The following KDM4B variants were observed in gnomAD, a reference collection of about 807,000 sequenced individuals.
KDM4B encodes the protein lysine demethylase 4B, also known as lysine-specific demethylase 4B.
KDM4B carries 32 observed loss-of-function variants against 125.2 expected under a neutral mutation model. That is an observed-to-expected ratio of 0.26 (90% CI 0.19 to 0.34). The LOEUF is 0.34. Among genes scored for constraint, KDM4B ranks in the 10% least tolerant of loss-of-function variants. KDM4B has a pLI of 1.00. For synonymous variants in KDM4B, 721 were observed against 677.9 expected, an observed-to-expected ratio of 1.06 and a Z score of -0.99; for missense variants, 1,190 against 1,577.7, an observed-to-expected ratio of 0.75 and a Z score of 4.16.
intron 1 of KDM4B, among the ~76,000 whole-genome samples, chr19:4,988,328 T>G (rs1186306029): frequency 6.6e-6 from 1 of 152,078 alleles, no homozygotes; most frequent in Non-Finnish European, 1.5e-5. Context: ...CAGGCTGGAG[T>G]GCAGTGGTGC....
At chr19:5,058,906 C>T (rs546696635) in intron 6 of KDM4B, among the ~76,000 whole-genome samples, 5 of 152,208 alleles carry the variant, frequency 3.3e-5, no homozygotes, top group Admixed American at 2.0e-4. Flanking sequence ...CCCTGCCCAC[C>T]GCTTTAAGAA....
intron 6 of KDM4B, among the ~76,000 whole-genome samples, chr19:5,066,551 C>A (rs1180828610): frequency 6.6e-6 from 1 of 152,240 alleles, no homozygotes; most frequent in Non-Finnish European, 1.5e-5. Context: ...CACGTCCTAG[C>A]ATTTGTCTCT....
chr19:4,997,313 G>A lies in KDM4B; in HGVS notation c.-108-18944G>A, dbSNP rs972660888. 1.3e-5 allele frequency among the ~76,000 whole-genome samples: 2 copies of A among 152,070 alleles called. No individual in the cohort carries two copies. The highest frequency in any genetic ancestry group is 1.3e-4 in the Admixed American group (2 of 15,268). On this transcript the variant is annotated intron_variant, in intron 1 of 22. Coordinates refer to ENST00000159111, the MANE Select transcript of KDM4B (RefSeq NM_015015.3). The surrounding 1 kb of genome is among the most constrained non-coding windows in gnomAD (Gnocchi z 4.2). ...TGCCTGATGTGTCCTTCCCTTTAGG[G>A]CTTCCGAGTTTGTGTCCCACTTAGA... is the stretch of plus-strand genomic sequence containing the variant.
chr19:5,089,864 G>C (rs2038632165), intron 9 of KDM4B, among the ~76,000 whole-genome samples: 1 of 152,102 alleles, frequency 6.6e-6, no homozygotes, highest in Non-Finnish European at 1.5e-5. Flanking sequence ...TTTGTTTTCA[G>C]AATGGGAGTT....
chr19:5,040,103 C>T, intron 4 of KDM4B, 92 bp downstream of exon 4: 1 of 1,318,120 alleles, frequency 7.6e-7, no homozygotes, highest in Non-Finnish European at 1.0e-6. Flanking sequence ...GCGGTACACG[C>T]AGCCCCCACA....
chr19:4,981,559 G>A (rs186658621), intron 1 of KDM4B, among the ~76,000 whole-genome samples: 1 of 152,290 alleles, frequency 6.6e-6, no homozygotes, highest in African/African-American at 2.4e-5. Context: ...GGGCCCAGCA[G>A]CCTCCACCTG....
intron 1 of KDM4B, among the ~76,000 whole-genome samples, chr19:5,010,685 T>TTGCCCAGGCTGGAA (rs1201801936): frequency 6.6e-6 from 1 of 151,510 alleles, no homozygotes; most frequent in Non-Finnish European, 1.5e-5. Context: ...TCTCACTCTT[T>TTGCCCAGGCTGGAA]TGCCCAGGCT....
intron 10 of KDM4B, among the ~76,000 whole-genome samples, chr19:5,117,408 C>T (rs142948265): frequency 2.6e-4 from 39 of 152,142 alleles, no homozygotes; most frequent in Non-Finnish European, 5.0e-4. Context: ...CATGGGAGGG[C>T]GCCCTTCTGC....
Position 5,114,441 on chromosome 19 carries a change from G to T in KDM4B, c.1115+3623G>T, listed in dbSNP as rs1342582356. On this transcript the variant is annotated intron_variant, in intron 10 of 22. Transcript: ENST00000159111. The surrounding 1 kb of genome is among the most constrained non-coding windows in gnomAD (Gnocchi z 5.8). ...GACTCCTGCCAGGGCTGCCACGGCT[G>T]CCACACCCCAGCTGCATTCCTGAGC... 3 of 405,730 alleles carry T rather than the reference G, an allele frequency of 7.4e-6. No individual in the cohort carries two copies. The highest frequency in any genetic ancestry group is 2.0e-5 in the African/African-American group (1 of 49,132). The allele number at this position is 405,730 out of a possible 1,614,324, so 25.1% of individuals were successfully genotyped here. A position where few individuals can be genotyped will look rare whatever the true frequency, so the allele number is the denominator to read the frequency against.
At position 5,126,738 on chromosome 19, in the gene KDM4B, C is replaced by A. The variant is rs188525986; in HGVS notation, c.1316-4338C>A. Among the ~76,000 whole-genome samples, 3 of 152,342 alleles carry A rather than the reference C, an allele frequency of 2.0e-5. No individual in the cohort carries two copies. In the East Asian group the frequency reaches 5.8e-4, roughly 29 times the overall value. On this transcript the variant is annotated intron_variant, in intron 11 of 22. Transcript: ENST00000159111. The stretch of plus-strand genomic sequence containing the variant: ...CACATCCCAGCTGGGCCTCTGGGAC[C>A]GTCAGGCGCACCCGGCTGCGGGTTC...
chr19:5,107,117 G>A (rs960977441), intron 9 of KDM4B, among the ~76,000 whole-genome samples: 17 of 152,202 alleles, frequency 1.1e-4, no homozygotes, highest in Admixed American at 1.0e-3. Flanking sequence ...AGGGGGCACC[G>A]CCACCCTGCG....
intron 10 of KDM4B, among the ~76,000 whole-genome samples, chr19:5,116,235 T>TGA (rs1375772161): frequency 5.0e-5 from 2 of 40,382 alleles, no homozygotes; most frequent in Admixed American, 7.4e-4. Context: ...ACCACATCTC[T>TGA]AAAAAAAAAA....
chr19:4,979,787 C>T (rs527397028), intron 1 of KDM4B, among the ~76,000 whole-genome samples: 70 of 152,312 alleles, frequency 4.6e-4, no homozygotes, highest in South Asian at 1.4e-3. Flanking sequence ...CATTCACATA[C>T]TATGAAATTC....
chr19:5,100,788 T>C (rs1209116443), intron 9 of KDM4B, among the ~76,000 whole-genome samples: 1 of 152,220 alleles, frequency 6.6e-6, no homozygotes, highest in Non-Finnish European at 1.5e-5. Flanking sequence ...TATTGATGTG[T>C]TTTTATTGGT....
chr19:4,973,866 A>G (rs1005098076), intron 1 of KDM4B, among the ~76,000 whole-genome samples: 1 of 151,112 alleles, frequency 6.6e-6, no homozygotes, highest in Admixed American at 6.6e-5. Context: ...GCGGTGGCTC[A>G]TGCCTGTAAT....
At chr19:5,111,718 C>G (rs2039150133) in intron 10 of KDM4B, 1 of 760,050 alleles carries the variant, frequency 1.3e-6, no homozygotes, top group Non-Finnish European at 2.4e-6. Context: ...GTGGGCTCAG[C>G]CAACTCCTCC....
rs748045757 is a variant in KDM4B at position 5,114,025 on chromosome 19, C to A, written c.1115+3207C>A. 6 of 1,281,084 alleles carry A rather than the reference C, an allele frequency of 4.7e-6. No individual in the cohort carries two copies. The highest frequency in any genetic ancestry group is 4.7e-5 in the Admixed American group (2 of 42,420). The allele number at this position is 1,281,084 out of a possible 1,614,324, so 79.4% of individuals were successfully genotyped here. On this transcript the variant is annotated intron_variant, in intron 10 of 22. Coordinates refer to ENST00000159111, the MANE Select transcript of KDM4B (RefSeq NM_015015.3). This position sits in a 1 kb window ranked among gnomAD's most constrained non-coding sequence, Gnocchi z 5.8. ...AGCGTTGGGGGCTGTTTGTATTCTTCCCCCTGATGGATGGGTCGCCTAAAA... is the reference window on the plus strand; with the variant it reads ...AGCGTTGGGGGCTGTTTGTATTCTTACCCCTGATGGATGGGTCGCCTAAAA...
In KDM4B at chr19:5,110,671, G is replaced by T; in HGVS notation, c.968G>T (p.Arg323Leu). Reference protein sequence around the residue: ...MVKISMDVFVRILQPERYELW... With the variant: ...MVKISMDVFVLILQPERYELW... Reference sequence around the variant, plus strand: ...AAGATCTCCATGGACGTGTTCGTGCGCATCCTGCAGCCCGAGCGCTACGAG... The same window carrying T: ...AAGATCTCCATGGACGTGTTCGTGCTCATCCTGCAGCCCGAGCGCTACGAG... Residue 323 changes from arginine to leucine, a missense_variant, in exon 10 of 23, where the codon CGC becomes CTC. By Grantham distance (102) the Arg-to-Leu change is moderately radical. Around this residue, in one of 7 missense-constraint regions of KDM4B, gnomAD observed 428 missense variants for 405.1 expected, o/e 1.06. Coordinates refer to ENST00000159111, the MANE Select transcript of KDM4B (RefSeq NM_015015.3). 1 of 1,613,026 alleles carries T rather than the reference G, an allele frequency of 6.2e-7. No homozygotes were observed. The highest frequency in any genetic ancestry group is 8.5e-7 in the Non-Finnish European group (1 of 1,179,888).
At chr19:5,109,347 C>CT (rs748834207) in intron 9 of KDM4B, among the ~76,000 whole-genome samples, 2 of 152,212 alleles carry the variant, frequency 1.3e-5, no homozygotes, top group Admixed American at 6.5e-5. Context: ...CCTCTGGGGC[C>CT]TGGCTTCTCT....
Sources: allele counts gnomAD v4.1 joint callset (sites outside exome capture counted in the v4.1 genomes callset), GRCh38; gene constraint gnomAD v4.1.1; regional missense constraint gnomAD v4.1.1; non-coding constraint Gnocchi (gnomAD v3.1); transcripts MANE v1.5; gene names NCBI Gene and HGNC (gene_info 2026-07-23, HGNC 2026-07-21).